XCR1: variants seen among roughly 807,000 people sequenced by gnomAD.
XCR1 encodes the protein chemokine XC receptor 1.
For missense variants in XCR1, 356 were observed against 424.2 expected (o/e 0.84, Z 1.41); for synonymous variants, 187 against 188.5 (o/e 0.99, Z 0.06).
intron 5 of XCR1, among the ~76,000 whole-genome samples, chr3:46,051,455 AG>A (rs1053135958): frequency 2.0e-5 from 3 of 152,234 alleles, no homozygotes; most frequent in Non-Finnish European, 2.9e-5. Flanking sequence ...GTTAATTGCA[AG>A]GGCCAGGATG....
Position 46,053,370 on chromosome 3 carries a change from G to A in XCR1, c.-32+550C>T, listed in dbSNP as rs189773975. ...GGCTCTCCAGCCATGGCAGCAGAACGTAAAATTCTTTGTATTGGGGTCTCT... is the reference window on the plus strand; with the variant it reads ...GGCTCTCCAGCCATGGCAGCAGAACATAAAATTCTTTGTATTGGGGTCTCT... On this transcript the variant is annotated intron_variant, in intron 5 of 5. Coordinates refer to the XCR1 transcript ENST00000683768. 3.5e-3 allele frequency among the ~76,000 whole-genome samples: 520 copies of A among 147,642 alleles called. 58 individuals carry two copies. Among genetic ancestry groups the A allele is most frequent in the African/African-American group, 0.013 (482 of 37,264 alleles).
intron 5 of XCR1, among the ~76,000 whole-genome samples, chr3:46,048,248 C>A (rs1697672369): frequency 6.6e-6 from 1 of 152,174 alleles, no homozygotes; most frequent in Non-Finnish European, 1.5e-5. Context: ...AGGAGTGTCA[C>A]TCCAAAGTAC....
chr3:46,021,676 T>C lies in XCR1; in HGVS notation c.272A>G (p.Tyr91Cys), dbSNP rs1354854251. 1 of 1,604,440 alleles carries C rather than the reference T, an allele frequency of 6.2e-7. No homozygotes were observed. The highest frequency in any genetic ancestry group is 8.5e-7 in the Non-Finnish European group (1 of 1,175,732). ...ACLLPVWISP[Y>C]HWGWVLGDFL... ...GTCTCCCAGCACCCAGCCCCAGTGGTATGGGGAGATCCACACAGGCAACAA... is the reference window on the plus strand; with the variant it reads ...GTCTCCCAGCACCCAGCCCCAGTGGCATGGGGAGATCCACACAGGCAACAA... Residue 91 changes from tyrosine to cysteine, a missense_variant, in exon 2 of 2, where the codon TAC becomes TGC. Physicochemically the swap from Tyr to Cys is radical, Grantham distance 194. Transcript: ENST00000309285. This position sits in a 1 kb window ranked among gnomAD's most constrained non-coding sequence, Gnocchi z 4.7.
At chr3:46,069,105 T>C (rs960200584) in intron 3 of XCR1, among the ~76,000 whole-genome samples, 23 of 152,088 alleles carry the variant, frequency 1.5e-4, no homozygotes, top group African/African-American at 5.3e-4. Context: ...ACAGCTAAAG[T>C]ATTGCTGAGA....
chr3:46,052,915 G>T (rs1447702686), intron 5 of XCR1, among the ~76,000 whole-genome samples: 1 of 152,160 alleles, frequency 6.6e-6, no homozygotes, highest in African/African-American at 2.4e-5. Context: ...AAGGAATTGT[G>T]GCCCAGGCGC....
At chr3:46,077,468 G>C (rs1257570915) in intron 1 of XCR1, among the ~76,000 whole-genome samples, 1 of 151,846 alleles carries the variant, frequency 6.6e-6, no homozygotes, top group Non-Finnish European at 1.5e-5. Context: ...GGCTCTTACT[G>C]ATTCTACATT....
intron 1 of XCR1, among the ~76,000 whole-genome samples, chr3:46,084,354 G>A (rs1384781454): frequency 2.0e-5 from 3 of 152,186 alleles, no homozygotes; most frequent in African/African-American, 7.2e-5. Flanking sequence ...AGGAATGTGA[G>A]CCCTTTTAAA....
chr3:46,052,736 T>C (rs1697772226), intron 5 of XCR1, among the ~76,000 whole-genome samples: 2 of 152,226 alleles, frequency 1.3e-5, no homozygotes, highest in African/African-American at 4.8e-5. Flanking sequence ...TGCGCGTTCA[T>C]AATCTGCGTT....
chr3:46,042,480 G>A (rs1697553550), intron 5 of XCR1, among the ~76,000 whole-genome samples: 1 of 152,088 alleles, frequency 6.6e-6, no homozygotes, highest in Non-Finnish European at 1.5e-5. Context: ...ATATCAGAAA[G>A]GAAAGTGGGG....
intron 1 of XCR1, among the ~76,000 whole-genome samples, chr3:46,026,457 T>C (rs1265873232): frequency 6.6e-6 from 1 of 152,136 alleles, no homozygotes; most frequent in Non-Finnish European, 1.5e-5. Flanking sequence ...CAACCACCAG[T>C]AATAACAAGG....
intron 5 of XCR1, among the ~76,000 whole-genome samples, chr3:46,052,586 C>G (rs1238168833): frequency 6.6e-6 from 1 of 152,154 alleles, no homozygotes; most frequent in Non-Finnish European, 1.5e-5. Context: ...AGAGCCTGAC[C>G]CTTGGCTCCT....
At chr3:46,083,114 T>C (rs1698405687) in intron 1 of XCR1, among the ~76,000 whole-genome samples, 1 of 152,238 alleles carries the variant, frequency 6.6e-6, no homozygotes, top group African/African-American at 2.4e-5. Flanking sequence ...AAATCACTGC[T>C]GCGTTACTCA....
chr3:46,022,021 G>C, intron 1 of XCR1, 43 bp from the exon 2 acceptor site: 2 of 1,501,338 alleles, frequency 1.3e-6, no homozygotes, highest in Non-Finnish European at 1.8e-6. Flanking sequence ...TGTGGTGGCT[G>C]GGTACAGTGG....
chr3:46,065,624 C>A (rs1037147710), intron 4 of XCR1, among the ~76,000 whole-genome samples: 4 of 152,202 alleles, frequency 2.6e-5, no homozygotes, highest in African/African-American at 9.6e-5. Flanking sequence ...ACGGCATCAC[C>A]AATTAGAGTT....
chr3:46,042,736 C>T (rs1697557629), intron 5 of XCR1, among the ~76,000 whole-genome samples: 1 of 152,154 alleles, frequency 6.6e-6, no homozygotes, highest in Non-Finnish European at 1.5e-5. Context: ...GTGAATTCTA[C>T]CAAACATTTA....
intron 1 of XCR1, among the ~76,000 whole-genome samples, chr3:46,077,217 G>A (rs1284862073): frequency 6.6e-6 from 1 of 152,080 alleles, no homozygotes; most frequent in African/African-American, 2.4e-5. Context: ...GTAAGCAGTG[G>A]GCAGGCAAGT....
intron 5 of XCR1, among the ~76,000 whole-genome samples, chr3:46,047,899 G>C (rs1416123807): frequency 1.3e-5 from 2 of 152,226 alleles, no homozygotes; most frequent in South Asian, 2.1e-4. Flanking sequence ...GGCCAGGACA[G>C]GGGGTCCATG....
chr3:46,069,023 G>T (rs527579065), intron 3 of XCR1, among the ~76,000 whole-genome samples: 1 of 152,106 alleles, frequency 6.6e-6, no homozygotes, highest in African/African-American at 2.4e-5. Context: ...GGTCAAAGAA[G>T]TCTCAAGGGC....
intron 5 of XCR1, among the ~76,000 whole-genome samples, chr3:46,033,713 G>A (rs1185681443): frequency 6.6e-6 from 1 of 152,048 alleles, no homozygotes; most frequent in African/African-American, 2.4e-5. Flanking sequence ...TAAATTGCTG[G>A]GTTTTGATTG....
Sources: allele counts gnomAD v4.1 joint callset (sites outside exome capture counted in the v4.1 genomes callset), GRCh38; gene constraint gnomAD v4.1.1; non-coding constraint Gnocchi (gnomAD v3.1); transcripts MANE v1.5; gene names NCBI Gene and HGNC (gene_info 2026-07-23, HGNC 2026-07-21).